Variants in ADGRL2 observed in about 807,000 individuals in gnomAD.
ADGRL2 encodes calcium-independent alpha-latrotoxin receptor 2.
Under a neutral mutation model 157.4 loss-of-function variants are expected in ADGRL2, and 44 were observed. That is an observed-to-expected ratio of 0.28 (90% CI 0.22 to 0.36). The LOEUF is 0.36. ADGRL2 is among the 10% of genes least tolerant of loss of function. The pLI is 1.00. For synonymous variants in ADGRL2, 585 were observed against 624.7 expected, an observed-to-expected ratio of 0.94 and a Z score of 0.95; for missense variants, 1,510 against 1,768.9, an observed-to-expected ratio of 0.85 and a Z score of 2.63.
chr1:81,453,345 C>A (rs1437876840), intron 2 of ADGRL2, among the ~76,000 whole-genome samples: 1 of 151,956 alleles, frequency 6.6e-6, no homozygotes, highest in African/African-American at 2.4e-5. Context: ...GATGAAAAAA[C>A]GCCGAGAAAA....
At chr1:81,547,406 TCAACCCCCA>T (rs995295413) in intron 2 of ADGRL2, among the ~76,000 whole-genome samples, 1 of 152,102 alleles carries the variant, frequency 6.6e-6, no homozygotes, top group African/African-American at 2.4e-5. Context: ...CTTCCCTCAC[TCAACCCCCA>T]CCACCAGGAA....
chr1:81,854,618 C>CATT (rs1301012530), intron 2 of ADGRL2, among the ~76,000 whole-genome samples: 1 of 152,118 alleles, frequency 6.6e-6, no homozygotes, highest in Non-Finnish European at 1.5e-5. Context: ...TCAGACTATG[C>CATT]AGTGTGCTAG....
chr1:81,655,136 C>T (rs2148856545), intron 3 of ADGRL2, among the ~76,000 whole-genome samples: 2 of 152,272 alleles, frequency 1.3e-5, no homozygotes, highest in African/African-American at 4.8e-5. Context: ...GTGGCCAGGA[C>T]TACGGGCGCA....
At chr1:81,385,560 T>C (rs927218006) in intron 1 of ADGRL2, among the ~76,000 whole-genome samples, 1 of 151,010 alleles carries the variant, frequency 6.6e-6, no homozygotes, top group African/African-American at 2.4e-5. Context: ...TATTTCCTAA[T>C]ACACAGGGCT....
chr1:81,615,835 G>C (rs1043951908), intron 3 of ADGRL2, among the ~76,000 whole-genome samples: 1 of 152,184 alleles, frequency 6.6e-6, no homozygotes, highest in Non-Finnish European at 1.5e-5. Flanking sequence ...TGAATGGTTA[G>C]GAAGAAGCGA....
At chr1:81,595,802 C>T (rs2081219525) in intron 3 of ADGRL2, among the ~76,000 whole-genome samples, 1 of 152,178 alleles carries the variant, frequency 6.6e-6, no homozygotes, top group Non-Finnish European at 1.5e-5. Flanking sequence ...TCCATTTGGG[C>T]TGCTATAACA....
chr1:81,653,635 T>A (rs560236827), intron 3 of ADGRL2, among the ~76,000 whole-genome samples: 159 of 152,230 alleles, frequency 1.0e-3, no homozygotes, highest in African/African-American at 3.4e-3. Flanking sequence ...GGGAAAAAAA[T>A]ATAATTTCTA....
At chr1:81,863,277 A>G (rs1407954359) in intron 2 of ADGRL2, among the ~76,000 whole-genome samples, 1 of 152,060 alleles carries the variant, frequency 6.6e-6, no homozygotes, top group Non-Finnish European at 1.5e-5. Context: ...GTTCTTCTTC[A>G]TTACTGTCTT....
chr1:81,854,665 G>T lies in ADGRL2; in HGVS notation c.73+17608G>T, dbSNP rs1571695295. ...ATCTTAAAGGAACTTAACAATAATGGTGGTACCTTATGACACCTAAAGGGG... is the reference window on the plus strand; with the variant it reads ...ATCTTAAAGGAACTTAACAATAATGTTGGTACCTTATGACACCTAAAGGGG... On this transcript the variant is annotated intron_variant, in intron 2 of 23. Transcript: ENST00000686636. Among the ~76,000 whole-genome samples the T allele has an allele frequency of 3.3e-5, 5 of 152,220 alleles. No individual in the cohort carries two copies. In the South Asian group the frequency reaches 1.0e-3, roughly 32 times the overall value.
At chr1:81,852,728 C>G (rs954022207) in intron 2 of ADGRL2, among the ~76,000 whole-genome samples, 1 of 151,980 alleles carries the variant, frequency 6.6e-6, no homozygotes, top group African/African-American at 2.4e-5. Context: ...CTGTTCTCAT[C>G]CTCTCTGTCA....
In ADGRL2 at chr1:81,617,016, T is replaced by C. The variant is rs188120864; in HGVS notation, c.-143+36036T>C. 4.8e-3 allele frequency among the ~76,000 whole-genome samples: 729 copies of C among 152,292 alleles called. 2 individuals carry two copies. The highest frequency in any genetic ancestry group is 8.6e-3 in the Non-Finnish European group (582 of 68,018). ...TATAGAGGTAAGGCATTCACTTCCA[T>C]GGGCAAGTTCATTGAACATCAGTCT... On this transcript the variant is annotated intron_variant, in intron 3 of 24. Coordinates refer to the ADGRL2 transcript ENST00000370721.
intron 3 of ADGRL2, among the ~76,000 whole-genome samples, chr1:81,594,605 T>C (rs2081196332): frequency 6.6e-6 from 1 of 152,206 alleles, no homozygotes; most frequent in South Asian, 2.1e-4. Context: ...TTAAAATCAG[T>C]GGCTTGAATT....
chr1:81,634,870 C>T (rs1234152617), intron 3 of ADGRL2, among the ~76,000 whole-genome samples: 2 of 152,058 alleles, frequency 1.3e-5, no homozygotes, highest in Non-Finnish European at 2.9e-5. Context: ...CTGTTGATGG[C>T]CTATCCTTAT....
At chr1:81,459,798 ATAT>A (rs1428163704) in intron 2 of ADGRL2, among the ~76,000 whole-genome samples, 1 of 130,134 alleles carries the variant, frequency 7.7e-6, no homozygotes, top group Non-Finnish European at 1.6e-5. Flanking sequence ...GTATATATAT[ATAT>A]GTATGTGTTT....
chr1:81,356,430 T>C lies in ADGRL2; in HGVS notation c.-302+49921T>C, dbSNP rs146589424. Among the ~76,000 whole-genome samples the C allele has an allele frequency of 1.7e-3, 253 of 152,314 alleles. 1 individual carries two copies. The highest frequency in any genetic ancestry group is 2.4e-3 in the Non-Finnish European group (166 of 68,024). On this transcript the variant is annotated intron_variant, in intron 1 of 24. Transcript: ENST00000370721. Reference sequence around the variant, plus strand: ...TACTATATGACCTTGGCCACATTACTAAGTCTGAAACTAACTTTTTTTTTG... The same window carrying C: ...TACTATATGACCTTGGCCACATTACCAAGTCTGAAACTAACTTTTTTTTTG...
chr1:81,583,992 T>C (rs2148555255), intron 3 of ADGRL2, among the ~76,000 whole-genome samples: 1 of 152,292 alleles, frequency 6.6e-6, no homozygotes, highest in Middle Eastern at 3.4e-3. Flanking sequence ...ACACTGTGGG[T>C]GAAACCCCAG....
chr1:81,938,681 A>G (rs188214698), intron 4 of ADGRL2, among the ~76,000 whole-genome samples: 49 of 151,704 alleles, frequency 3.2e-4, no homozygotes, highest in Non-Finnish European at 6.5e-4. Flanking sequence ...ACTCTTTGCT[A>G]AAGAATAAAA....
chr1:81,708,262 A>T (rs921198143), intron 1 of ADGRL2, among the ~76,000 whole-genome samples: 5 of 152,174 alleles, frequency 3.3e-5, no homozygotes, highest in Admixed American at 2.6e-4. Context: ...TGCTTACTAA[A>T]TTTTTTAAAA....
chr1:81,574,956 C>T (rs1035224667), intron 2 of ADGRL2, among the ~76,000 whole-genome samples: 3 of 152,202 alleles, frequency 2.0e-5, no homozygotes, highest in Admixed American at 6.6e-5. Context: ...GTACTTCCAG[C>T]TGCAAAGTAG....
Sources: allele counts gnomAD v4.1 joint callset (sites outside exome capture counted in the v4.1 genomes callset), GRCh38; gene constraint gnomAD v4.1.1; transcripts MANE v1.5; gene names NCBI Gene and HGNC (gene_info 2026-07-23, HGNC 2026-07-21).